PDZRN4: variants seen among roughly 807,000 people sequenced by gnomAD.
PDZRN4 encodes the protein PDZ domain-containing RING finger protein 4.
Under a neutral mutation model 99.0 loss-of-function variants are expected in PDZRN4, and 70 were observed. The observed-to-expected ratio is 0.71, with a 90% confidence interval of 0.58 to 0.86. PDZRN4 has a LOEUF of 0.86. Ranked by LOEUF, PDZRN4 falls within the 40% of genes least tolerant of loss-of-function variation. The pLI, the probability that PDZRN4 is intolerant of heterozygous loss-of-function variation, is 0.00. For synonymous variants in PDZRN4, 551 were observed against 501.6 expected, an observed-to-expected ratio of 1.10 and a Z score of -1.32; for missense variants, 1,474 against 1,331.2, an observed-to-expected ratio of 1.11 and a Z score of -1.67.
chr12:41,412,762 T>C (rs1243467153), intron 3 of PDZRN4, among the ~76,000 whole-genome samples: 1 of 152,098 alleles, frequency 6.6e-6, no homozygotes, highest in East Asian at 1.9e-4. Flanking sequence ...GAAGGGGAAG[T>C]AAAATATCTA....
intron 3 of PDZRN4, among the ~76,000 whole-genome samples, chr12:41,502,770 G>A (rs1241605003): frequency 1.3e-5 from 2 of 152,022 alleles, no homozygotes; most frequent in African/African-American, 4.8e-5. Context: ...GAGTAAGAGG[G>A]AAGAGGAAAA....
At chr12:41,200,842 T>C (rs1029910278) in intron 3 of PDZRN4, among the ~76,000 whole-genome samples, 1 of 152,098 alleles carries the variant, frequency 6.6e-6, no homozygotes, top group East Asian at 1.9e-4. Flanking sequence ...GGAAAGAAGG[T>C]CCTTACATTC....
intron 3 of PDZRN4, among the ~76,000 whole-genome samples, chr12:41,402,177 G>GTGTA (rs1400888831): frequency 1.8e-5 from 1 of 56,560 alleles, no homozygotes; most frequent in African/African-American, 1.4e-4. Flanking sequence ...TACACACTGA[G>GTGTA]TATATATATA....
chr12:41,282,007 A>G (rs1272817144), intron 3 of PDZRN4, among the ~76,000 whole-genome samples: 1 of 152,208 alleles, frequency 6.6e-6, no homozygotes, highest in Non-Finnish European at 1.5e-5. Flanking sequence ...GACAGAATCA[A>G]ATTCATACAT....
intron 3 of PDZRN4, among the ~76,000 whole-genome samples, chr12:41,390,681 G>A (rs552985640): frequency 6.6e-6 from 1 of 151,546 alleles, no homozygotes; most frequent in East Asian, 1.9e-4. Flanking sequence ...AATATTCAAC[G>A]CAGTCTTAAA....
chr12:41,247,325 G>C (rs1951139704), intron 3 of PDZRN4, among the ~76,000 whole-genome samples: 1 of 151,982 alleles, frequency 6.6e-6, no homozygotes, highest in African/African-American at 2.4e-5. Context: ...CTGAGGAGCT[G>C]CTAGATAGGC....
chr12:41,338,127 G>A (rs1402216372), intron 3 of PDZRN4, among the ~76,000 whole-genome samples: 1 of 151,986 alleles, frequency 6.6e-6, no homozygotes. Context: ...GAAAATCAAT[G>A]GAAGGAACAT....
At chr12:41,473,656 T>C (rs1177804204) in intron 3 of PDZRN4, 3 of 152,266 alleles carry the variant, frequency 2.0e-5, no homozygotes, top group Non-Finnish European at 4.4e-5. Context: ...TATGTATTTA[T>C]CTCTCCAGCT....
intron 3 of PDZRN4, among the ~76,000 whole-genome samples, chr12:41,445,754 C>T (rs1457650786): frequency 1.3e-5 from 2 of 152,042 alleles, no homozygotes. Context: ...TGTTTTCTCT[C>T]ATTTTCCATC....
chr12:41,199,851 G>A (rs1233217607), intron 3 of PDZRN4, among the ~76,000 whole-genome samples: 1 of 152,114 alleles, frequency 6.6e-6, no homozygotes, highest in African/African-American at 2.4e-5. Context: ...AACAGATGTT[G>A]AAGATGTGGA....
chr12:41,454,344 G>T (rs1295051438), intron 3 of PDZRN4, among the ~76,000 whole-genome samples: 2 of 152,196 alleles, frequency 1.3e-5, no homozygotes, highest in African/African-American at 2.4e-5. Context: ...CTTTCCTCCT[G>T]AGGTTCCTGC....
At chr12:41,373,026 C>T (rs1301842799) in intron 3 of PDZRN4, among the ~76,000 whole-genome samples, 2 of 152,106 alleles carry the variant, frequency 1.3e-5, no homozygotes, top group Non-Finnish European at 2.9e-5. Flanking sequence ...GGAGACATCA[C>T]ATGTCAGCAG....
intron 3 of PDZRN4, among the ~76,000 whole-genome samples, chr12:41,214,010 C>A (rs1162266484): frequency 6.6e-6 from 1 of 151,844 alleles, no homozygotes; most frequent in Non-Finnish European, 1.5e-5. Context: ...TACATAGCCA[C>A]CTTCGTAAAA....
chr12:41,514,218 C>T (rs1296003420), intron 5 of PDZRN4, among the ~76,000 whole-genome samples: 1 of 151,978 alleles, frequency 6.6e-6, no homozygotes, highest in Non-Finnish European at 1.5e-5. Flanking sequence ...GGAGTGAGCA[C>T]TTAGCATATT....
At chr12:41,316,283 C>T (rs1377307867) in intron 3 of PDZRN4, among the ~76,000 whole-genome samples, 2 of 151,922 alleles carry the variant, frequency 1.3e-5, no homozygotes, top group East Asian at 1.9e-4. Context: ...AAGAGGAAAG[C>T]GTATGTTAAA....
intron 5 of PDZRN4, among the ~76,000 whole-genome samples, chr12:41,539,537 AC>A (rs1304367821): frequency 6.6e-6 from 1 of 152,100 alleles, no homozygotes; most frequent in Non-Finnish European, 1.5e-5. Flanking sequence ...TATGATGACC[AC>A]AGGAAAAACT....
Position 41,362,105 on chromosome 12 carries a change from G to A in PDZRN4, c.844-144351G>A, listed in dbSNP as rs1403302040. Among the ~76,000 whole-genome samples, 4 of 151,858 alleles carry A rather than the reference G, an allele frequency of 2.6e-5. No individual in the cohort carries two copies. The South Asian group carries it at 6.2e-4, about 24-fold the overall frequency. On this transcript the variant is annotated intron_variant, in intron 3 of 9. Coordinates refer to ENST00000402685, the MANE Select transcript of PDZRN4 (RefSeq NM_001164595.2). The stretch of plus-strand genomic sequence containing the variant: ...AATAATTTTATTATGATCTAAAAAG[G>A]ACTCTTGAAGCTAGTTAAACAGAAG...
intron 3 of PDZRN4, among the ~76,000 whole-genome samples, chr12:41,417,068 A>T (rs954996155): frequency 6.6e-6 from 1 of 152,188 alleles, no homozygotes; most frequent in African/African-American, 2.4e-5. Context: ...TATGGCTTTT[A>T]GATTTGGAAT....
chr12:41,286,207 A>C (rs766706224), intron 3 of PDZRN4, among the ~76,000 whole-genome samples: 23 of 152,108 alleles, frequency 1.5e-4, no homozygotes, highest in Non-Finnish European at 2.2e-4. Flanking sequence ...TGGTATATTA[A>C]AAGTGTACAT....
Sources: gnomAD v4.1 joint callset for allele counts (sites outside exome capture counted in the v4.1 genomes callset) on GRCh38, gnomAD v4.1.1 for gene constraint, MANE v1.5 for transcripts, NCBI Gene and HGNC (gene_info 2026-07-23, HGNC 2026-07-21) for gene names.